The following GFRA2 variants were observed in gnomAD, a reference collection of about 807,000 sequenced individuals.
GFRA2 encodes GDNF family receptor alpha-2.
In GFRA2, 17 loss-of-function variants were observed where a neutral mutation model predicts 48.3. That is an observed-to-expected ratio of 0.35 (90% CI 0.24 to 0.53). GFRA2 has a LOEUF of 0.53. Among genes scored for constraint, GFRA2 ranks in the 20% least tolerant of loss-of-function variants. The probability of loss-of-function intolerance (pLI) is 0.93; values close to 1 mark genes in which losing one functional copy is unlikely to be tolerated. For missense variants in GFRA2, 660 were observed against 637.3 expected (o/e 1.04, Z -0.38); for synonymous variants, 305 against 257.2 (o/e 1.19, Z -1.78).
intron 2 of GFRA2, among the ~76,000 whole-genome samples, chr8:21,776,796 C>G: frequency 6.6e-6 from 1 of 152,058 alleles, no homozygotes; most frequent in Non-Finnish European, 1.5e-5. Flanking sequence ...CGGCCCATAT[C>G]TGATCCCACC....
intron 4 of GFRA2, among the ~76,000 whole-genome samples, chr8:21,745,893 G>A (rs1804981233): frequency 1.3e-5 from 2 of 152,212 alleles, no homozygotes; most frequent in Non-Finnish European, 2.9e-5. Context: ...CCACCCTGAT[G>A]AGGCTGGCTG....
Position 21,705,108 on chromosome 8 carries a change from T to A in GFRA2, c.922A>T (p.Asn308Tyr). 6.2e-7 allele frequency: 1 copy of A among 1,610,286 alleles called. No homozygotes were observed. The highest frequency in any genetic ancestry group is 8.5e-7 in the Non-Finnish European group (1 of 1,178,956). The change falls in exon 6 of 9, where the codon AAC (asparagine) becomes TAC (tyrosine). Residue 308 changes from asparagine (N) to tyrosine (Y), a missense_variant. Asn to Tyr is a moderately radical substitution (Grantham distance 143, BLOSUM62 -2). Coordinates refer to ENST00000524240, the MANE Select transcript of GFRA2 (RefSeq NM_001495.5). ...AGMIGFDMTP[N>Y]YVDSSPTGIV... is the part of the protein sequence containing the mutation. ...CCAGTGGGGCTGGAGTCCACATAGT[T>A]AGGTGTCATGTCAAACCCTGGGCAG...
chr8:21,701,080 G>C, intron 7 of GFRA2, among the ~76,000 whole-genome samples: 1 of 152,242 alleles, frequency 6.6e-6, no homozygotes, highest in Non-Finnish European at 1.5e-5. Context: ...CCAGCTCCCA[G>C]CATGGGATAG....
intron 3 of GFRA2, among the ~76,000 whole-genome samples, chr8:21,770,456 G>A (rs913013585): frequency 2.0e-5 from 3 of 152,214 alleles, no homozygotes; most frequent in East Asian, 1.9e-4. Context: ...GAGGAGAAGC[G>A]CTTCAGAGGT....
At chr8:21,807,324 C>T (rs1807890825) in intron 1 of GFRA2, among the ~76,000 whole-genome samples, 1 of 152,194 alleles carries the variant, frequency 6.6e-6, no homozygotes, top group Non-Finnish European at 1.5e-5. Context: ...TCTTGCCTTC[C>T]ACTTTCCTCC....
chr8:21,694,261 GGA>G (rs1395073994), intron 8 of GFRA2, among the ~76,000 whole-genome samples: 1 of 151,614 alleles, frequency 6.6e-6, no homozygotes, highest in African/African-American at 2.4e-5. Flanking sequence ...CTCTCCCCAA[GGA>G]GAGAGCCAGG....
intron 4 of GFRA2, among the ~76,000 whole-genome samples, chr8:21,711,321 G>A (rs1310623113): frequency 6.6e-6 from 1 of 152,220 alleles, no homozygotes; most frequent in Non-Finnish European, 1.5e-5. Flanking sequence ...GAGAGAAAGA[G>A]AGAGAGGAAC....
chr8:21,800,741 A>T (rs1237442591), intron 2 of GFRA2, among the ~76,000 whole-genome samples: 1 of 152,146 alleles, frequency 6.6e-6, no homozygotes, highest in Non-Finnish European at 1.5e-5. Flanking sequence ...CCCAGGCAAC[A>T]CGGTGAGACC....
At position 21,715,365 on chromosome 8, in the gene GFRA2, A is replaced by G. The variant is rs185253272; in HGVS notation, c.795-9324T>C. Among the ~76,000 whole-genome samples the G allele has an allele frequency of 4.8e-3, 726 of 152,186 alleles. 6 individuals are homozygous for G. Among genetic ancestry groups the G allele is most frequent in the African/African-American group, 0.017 (701 of 41,510 alleles). On this transcript the variant is annotated intron_variant, in intron 4 of 8. Transcript: ENST00000524240. ...GCTCTGTCACCTAGGCTGGAGTGCA[A>G]TGGCGTGATCTGGGCTCACTGCAAC... is the stretch of plus-strand genomic sequence containing the variant.
intron 4 of GFRA2, among the ~76,000 whole-genome samples, chr8:21,727,507 C>T (rs1000510994): frequency 7.2e-5 from 11 of 152,326 alleles, no homozygotes; most frequent in African/African-American, 2.6e-4. Flanking sequence ...AGCCTCAGCG[C>T]TCCACGCCTG....
At chr8:21,774,595 T>C (rs891895878) in intron 3 of GFRA2, among the ~76,000 whole-genome samples, 1 of 152,102 alleles carries the variant, frequency 6.6e-6, no homozygotes, top group Non-Finnish European at 1.5e-5. Context: ...CCATCACAGC[T>C]GAGGAAACTG....
At chr8:21,773,638 T>C (rs1254797462) in intron 3 of GFRA2, among the ~76,000 whole-genome samples, 2 of 152,348 alleles carry the variant, frequency 1.3e-5, no homozygotes, top group South Asian at 2.1e-4. Context: ...TATTCCTTGG[T>C]ATTTAATTTC....
intron 4 of GFRA2, among the ~76,000 whole-genome samples, chr8:21,728,197 G>A (rs1159921068): frequency 2.0e-5 from 3 of 148,760 alleles, no homozygotes; most frequent in Non-Finnish European, 4.5e-5. Context: ...TCCCCAGGGA[G>A]CCCAGGACAC....
At chr8:21,806,726 C>G (rs1807875549) in intron 1 of GFRA2, among the ~76,000 whole-genome samples, 1 of 152,180 alleles carries the variant, frequency 6.6e-6, no homozygotes, top group Admixed American at 6.5e-5. Flanking sequence ...CTCTGCCTCC[C>G]AAAGCACTGG....
chr8:21,802,714 A>G (rs1016007802), intron 2 of GFRA2, among the ~76,000 whole-genome samples: 4 of 152,208 alleles, frequency 2.6e-5, no homozygotes, highest in African/African-American at 9.6e-5. Flanking sequence ...AGGCAGATGT[A>G]CAAATGAAAA....
intron 2 of GFRA2, among the ~76,000 whole-genome samples, chr8:21,796,660 C>G (rs1359424416): frequency 1.3e-5 from 2 of 152,246 alleles, no homozygotes; most frequent in South Asian, 4.1e-4. Flanking sequence ...ACCTTTCATT[C>G]TGGAAACTTC....
intron 3 of GFRA2, among the ~76,000 whole-genome samples, chr8:21,757,865 T>C (rs913925924): frequency 1.3e-5 from 2 of 152,204 alleles, no homozygotes; most frequent in African/African-American, 4.8e-5. Flanking sequence ...TTTTACGTTT[T>C]TCAATACCTA....
intron 3 of GFRA2, among the ~76,000 whole-genome samples, chr8:21,756,688 C>A (rs1247039193): frequency 6.6e-6 from 1 of 152,222 alleles, no homozygotes; most frequent in Non-Finnish European, 1.5e-5. Flanking sequence ...CAAGACCCCT[C>A]ACAGTCCTTG....
chr8:21,715,884 A>T (rs1803306745), intron 4 of GFRA2, among the ~76,000 whole-genome samples: 2 of 152,350 alleles, frequency 1.3e-5, no homozygotes, highest in South Asian at 4.2e-4. Flanking sequence ...AGCAAGGGAG[A>T]GAGAGAGAAC....
Sources: gnomAD v4.1 joint callset for allele counts (sites outside exome capture counted in the v4.1 genomes callset) on GRCh38, gnomAD v4.1.1 for gene constraint, MANE v1.5 for transcripts, NCBI Gene and HGNC (gene_info 2026-07-23, HGNC 2026-07-21) for gene names.